The following ZNF704 variants were observed in gnomAD, a reference collection of about 807,000 sequenced individuals.
ZNF704 encodes glucocorticoid induced gene 1.
In ZNF704, 10 loss-of-function variants were observed where a neutral mutation model predicts 44.7. The observed-to-expected ratio is 0.22, with a 90% CI of 0.14 to 0.38. The LOEUF is 0.38. Ranked by LOEUF, ZNF704 falls within the 10% of genes least tolerant of loss-of-function variation. The pLI is 1.00. For missense variants in ZNF704, 390 were observed against 545.5 expected (o/e 0.71, Z 2.84); for synonymous variants, 211 against 207.6 (o/e 1.02, Z -0.14).
At chr8:80,833,142 T>C (rs1036709688) in intron 1 of ZNF704, among the ~76,000 whole-genome samples, 1 of 151,920 alleles carries the variant, frequency 6.6e-6, no homozygotes, top group Non-Finnish European at 1.5e-5. Flanking sequence ...GGTCAAGAGG[T>C]CAAGGCCATC....
chr8:80,743,824 T>C (rs1384974956), intron 2 of ZNF704, among the ~76,000 whole-genome samples: 1 of 152,172 alleles, frequency 6.6e-6, no homozygotes, highest in Non-Finnish European at 1.5e-5. Context: ...CCTGTGAAAA[T>C]TAAATTAGAT....
At chr8:80,654,552 A>G (rs967222799) in intron 7 of ZNF704, among the ~76,000 whole-genome samples, 2 of 152,272 alleles carry the variant, frequency 1.3e-5, no homozygotes, top group African/African-American at 4.8e-5. Flanking sequence ...ACACTTCTCA[A>G]AAGAAGACAT....
chr8:80,670,423 T>A, intron 5 of ZNF704, 80 bp downstream of exon 5: 1 of 988,344 alleles, frequency 1.0e-6, no homozygotes, highest in East Asian at 2.4e-5. Context: ...TAAGGCACAG[T>A]GTGGTGTGCA....
At chr8:80,674,355 A>G (rs927023087) in intron 4 of ZNF704, among the ~76,000 whole-genome samples, 1 of 152,224 alleles carries the variant, frequency 6.6e-6, no homozygotes, top group Non-Finnish European at 1.5e-5. Context: ...GCCATAAAAG[A>G]ATACCTGATG....
At chr8:80,814,704 C>G (rs1290206507) in intron 2 of ZNF704, among the ~76,000 whole-genome samples, 1 of 152,112 alleles carries the variant, frequency 6.6e-6, no homozygotes, top group African/African-American at 2.4e-5. Context: ...AATTTCAATG[C>G]TCTATTTTTT....
In ZNF704 at chr8:80,674,784, T is replaced by C. The variant is rs1485695423; in HGVS notation, c.559-4181A>G. Among the ~76,000 whole-genome samples the C allele has an allele frequency of 3.3e-5, 5 of 152,170 alleles. No homozygotes were observed. The East Asian group carries it at 9.6e-4, about 29-fold the overall frequency. On this transcript the variant is annotated intron_variant, in intron 4 of 8. Transcript: ENST00000327835. ...CATATCAAACTATGGCAAACATTAA[T>C]GAACAAGTCCTCACACTACAAATGC...
Position 80,822,273 on chromosome 8 carries a change from G to A in ZNF704, c.-21-658C>T, listed in dbSNP as rs545421236. On this transcript the variant is annotated intron_variant, in intron 1 of 8. Transcript: ENST00000327835. Reference sequence around the variant, plus strand: ...CTCCTAATGCTATCCCTTCCCCCCCGCCCCCAACCCATGACAGGCCCCGGT... The same window carrying A: ...CTCCTAATGCTATCCCTTCCCCCCCACCCCCAACCCATGACAGGCCCCGGT... Among the ~76,000 whole-genome samples the A allele has an allele frequency of 8.7e-3, 628 of 72,078 alleles. 14 individuals carry two copies. The highest frequency in any genetic ancestry group is 0.042 in the African/African-American group (590 of 13,900). The allele number at this position is 72,078 out of a possible 152,430, so 47.3% of individuals were successfully genotyped here. A position where few individuals can be genotyped will look rare whatever the true frequency, so the allele number is the denominator to read the frequency against.
intron 1 of ZNF704, among the ~76,000 whole-genome samples, chr8:80,833,098 A>G (rs556170111): frequency 2.6e-5 from 4 of 152,366 alleles, no homozygotes; most frequent in Admixed American, 2.6e-4. Context: ...CTGTAGTCTC[A>G]GCACTTTGGG....
intron 2 of ZNF704, among the ~76,000 whole-genome samples, chr8:80,716,389 G>A (rs542772999): frequency 2.0e-5 from 3 of 152,312 alleles, no homozygotes; most frequent in African/African-American, 7.2e-5. Flanking sequence ...TAGGGTCAAA[G>A]GAAATCAGGT....
intron 1 of ZNF704, among the ~76,000 whole-genome samples, chr8:80,825,706 C>G (rs1285841314): frequency 6.6e-6 from 1 of 152,128 alleles, no homozygotes; most frequent in East Asian, 1.9e-4. Flanking sequence ...TGTAAAAGAA[C>G]AGAAATTATA....
chr8:80,672,021 C>G lies in ZNF704; in HGVS notation c.559-1418G>C, dbSNP rs186223162. Among the ~76,000 whole-genome samples the G allele has an allele frequency of 4.0e-3, 607 of 151,942 alleles. 4 individuals are homozygous for G. The highest frequency in any genetic ancestry group is 0.014 in the African/African-American group (563 of 41,418). ...TTTTTAATGTTTAAAATAAAATACA[C>G]AAAATTATAAAGAAATGCAAGTGTA... On this transcript the variant is annotated intron_variant, in intron 4 of 8. Transcript: ENST00000327835.
At chr8:80,718,240 T>C (rs11988311) in intron 2 of ZNF704, among the ~76,000 whole-genome samples, 6,579 of 152,226 alleles carry the variant, frequency 0.043, 506 homozygotes, top group African/African-American at 0.15. Flanking sequence ...TTATCTCAAA[T>C]GCCATGTTCT....
intron 1 of ZNF704, among the ~76,000 whole-genome samples, chr8:80,850,757 T>C (rs1442050830): frequency 6.6e-6 from 1 of 152,134 alleles, no homozygotes; most frequent in African/African-American, 2.4e-5. Flanking sequence ...TTGAGCTCAT[T>C]ACTACAGAAC....
At chr8:80,790,170 T>C (rs1175391728) in intron 2 of ZNF704, among the ~76,000 whole-genome samples, 1 of 152,178 alleles carries the variant, frequency 6.6e-6, no homozygotes, top group Non-Finnish European at 1.5e-5. Context: ...AAAACAAAGA[T>C]GCTTGAGTCT....
intron 3 of ZNF704, 32 bp downstream of exon 3, chr8:80,692,972 G>T (rs1202231877): frequency 6.3e-7 from 1 of 1,593,682 alleles, no homozygotes; most frequent in Non-Finnish European, 8.6e-7. Context: ...GTGTCAAGGG[G>T]CCCTTCCCTA....
intron 4 of ZNF704, among the ~76,000 whole-genome samples, chr8:80,672,469 T>C (rs373891451): frequency 1.1e-4 from 16 of 152,220 alleles, no homozygotes; most frequent in African/African-American, 3.9e-4. Context: ...CATGTACTTG[T>C]ATGTTCATCG....
At chr8:80,741,905 C>G (rs935866761) in intron 2 of ZNF704, among the ~76,000 whole-genome samples, 5 of 152,102 alleles carry the variant, frequency 3.3e-5, no homozygotes, top group Admixed American at 6.5e-5. Flanking sequence ...TAGCATTCAG[C>G]TGGCAAAACT....
In ZNF704 at chr8:80,638,584, A is replaced by G. The variant is rs1817695798; in HGVS notation, c.*2782T>C. ...TTCCAAAATATAACAAAATAATGCT[A>G]CGTTTAAAAAAAAAAAACCCTAACT... On this transcript the variant is annotated 3_prime_UTR_variant, in exon 9 of 9. Transcript: ENST00000327835. The G allele has an allele frequency of 6.6e-6, 1 of 152,088 alleles. No individual in the cohort carries two copies. The highest frequency in any genetic ancestry group is 1.5e-5 in the Non-Finnish European group (1 of 67,974). The allele number at this position is 152,088 out of a possible 1,614,324, so 9.4% of individuals were successfully genotyped here.
intron 2 of ZNF704, among the ~76,000 whole-genome samples, chr8:80,715,028 C>A (rs905754239): frequency 1.3e-5 from 2 of 152,078 alleles, no homozygotes; most frequent in African/African-American, 4.8e-5. Context: ...TTCTTGGCTG[C>A]AAAAACCAAA....
Sources: allele counts gnomAD v4.1 joint callset (sites outside exome capture counted in the v4.1 genomes callset), GRCh38; gene constraint gnomAD v4.1.1; transcripts MANE v1.5; gene names NCBI Gene and HGNC (gene_info 2026-07-23, HGNC 2026-07-21).